EIF3H: variants seen among roughly 807,000 people sequenced by gnomAD.
EIF3H encodes eIF-3-gamma.
In EIF3H, 26 loss-of-function variants were observed where a neutral mutation model predicts 44.2. The observed-to-expected ratio is 0.59, with a 90% confidence interval of 0.43 to 0.82. EIF3H has a LOEUF of 0.82. Ranked by LOEUF, EIF3H falls within the 40% of genes least tolerant of loss-of-function variation. EIF3H has a pLI of 0.00. For synonymous variants in EIF3H, 166 were observed against 151.9 expected (o/e 1.09, Z -0.68); for missense variants, 359 against 432.8 (o/e 0.83, Z 1.51).
At chr8:116,646,992 C>T (rs1395893173) in intron 6 of EIF3H, among the ~76,000 whole-genome samples, 1 of 152,212 alleles carries the variant, frequency 6.6e-6, no homozygotes, top group Non-Finnish European at 1.5e-5. Flanking sequence ...AACTACCACA[C>T]TGGAAATTCT....
intron 1 of EIF3H, among the ~76,000 whole-genome samples, chr8:116,747,029 C>G (rs574664639): frequency 6.6e-6 from 1 of 152,264 alleles, no homozygotes; most frequent in African/African-American, 2.4e-5. Context: ...CTTGACAGAT[C>G]TACTGTCCTG....
chr8:116,642,300 A>G lies in EIF3H; in HGVS notation c.*2706T>C, dbSNP rs1813234740. The stretch of plus-strand genomic sequence containing the variant: ...AAAACTATAGTATGAAGAATGTAAT[A>G]ATATTTTAGAAGACATTAAAACTTA... On this transcript the variant is annotated 3_prime_UTR_variant, in exon 8 of 8. Coordinates refer to ENST00000521861, the MANE Select transcript of EIF3H (RefSeq NM_003756.3). The G allele has an allele frequency of 6.6e-6, 1 of 152,204 alleles. No homozygotes were observed. The highest frequency in any genetic ancestry group is 1.5e-5 in the Non-Finnish European group (1 of 68,024). The allele number at this position is 152,204 out of a possible 1,614,324, so 9.4% of individuals were successfully genotyped here.
At chr8:116,650,018 G>A (rs1256591556) in intron 5 of EIF3H, among the ~76,000 whole-genome samples, 1 of 152,168 alleles carries the variant, frequency 6.6e-6, no homozygotes, top group Non-Finnish European at 1.5e-5. Flanking sequence ...AGGTCAGGCA[G>A]ACCAGACAAG....
At chr8:116,689,461 A>G (rs1055798776) in intron 2 of EIF3H, among the ~76,000 whole-genome samples, 1 of 152,236 alleles carries the variant, frequency 6.6e-6, no homozygotes, top group Non-Finnish European at 1.5e-5. Context: ...ATATTTCAAT[A>G]CAAGTGAGGG....
Position 116,690,756 on chromosome 8 carries a change from A to C in EIF3H, c.290-31776T>G, listed in dbSNP as rs550661128. Among the ~76,000 whole-genome samples the C allele has an allele frequency of 1.4e-3, 213 of 152,342 alleles. 1 individual carries two copies. Among genetic ancestry groups the C allele is most frequent in the Middle Eastern group, 6.8e-3 (2 of 294 alleles). On this transcript the variant is annotated intron_variant, in intron 2 of 7. Transcript: ENST00000521861. ...CTTATAATTCTCAGTATGTAGAAGAAAAAATGCTTACTATAATCACACACA... is the reference window on the plus strand; with the variant it reads ...CTTATAATTCTCAGTATGTAGAAGACAAAATGCTTACTATAATCACACACA...
intron 1 of EIF3H, among the ~76,000 whole-genome samples, chr8:116,745,391 A>C (rs564966488): frequency 6.6e-6 from 1 of 152,238 alleles, no homozygotes; most frequent in African/African-American, 2.4e-5. Context: ...CCTAGAGATC[A>C]TAACTGATTT....
At chr8:116,721,684 T>C (rs1255036302) in intron 2 of EIF3H, among the ~76,000 whole-genome samples, 1 of 152,242 alleles carries the variant, frequency 6.6e-6, no homozygotes, top group East Asian at 1.9e-4. Context: ...CTTCTTGCAT[T>C]AGCTTGACCT....
intron 2 of EIF3H, among the ~76,000 whole-genome samples, chr8:116,676,481 C>T (rs1006359393): frequency 6.6e-6 from 1 of 152,204 alleles, no homozygotes; most frequent in Non-Finnish European, 1.5e-5. Flanking sequence ...ATAAAACCAT[C>T]AGATCTCCTG....
chr8:116,645,148 G>T, intron 7 of EIF3H, 45 bp from the exon 8 acceptor site: 1 of 1,455,946 alleles, frequency 6.9e-7, no homozygotes, highest in South Asian at 1.2e-5. Flanking sequence ...TCCACAAATT[G>T]TAAAATGATC....
chr8:116,646,659 A>T (rs1813307156), intron 6 of EIF3H, 56 bp from the exon 7 acceptor site: 1 of 1,598,772 alleles, frequency 6.3e-7, no homozygotes, highest in Non-Finnish European at 8.6e-7. Flanking sequence ...GGAGGAAAAA[A>T]AGATGTCCTT....
chr8:116,663,981 AAACTAC>A lies in EIF3H; in HGVS notation c.290-5007_290-5002del, dbSNP rs560580902. On this transcript the variant is annotated intron_variant, in intron 2 of 7. Coordinates refer to ENST00000521861, the MANE Select transcript of EIF3H (RefSeq NM_003756.3). ...CTGGTCGTTACTATTAGGCCAACTC[AAACTAC>A]TAATACAAAAAGCCACACTTGGATG... 1.8e-4 allele frequency among the ~76,000 whole-genome samples: 27 copies of A among 151,998 alleles called. No individual in the cohort carries two copies. In the East Asian group the frequency reaches 4.6e-3, roughly 26 times the overall value.
chr8:116,761,396 C>T (rs1209636846), intron 1 of EIF3H, among the ~76,000 whole-genome samples: 1 of 152,116 alleles, frequency 6.6e-6, no homozygotes, highest in Non-Finnish European at 1.5e-5. Flanking sequence ...CCTGTAATCC[C>T]AGCTACTCAG....
chr8:116,679,174 G>A (rs1280488954), intron 2 of EIF3H, among the ~76,000 whole-genome samples: 2 of 75,492 alleles, frequency 2.6e-5, no homozygotes, highest in African/African-American at 4.5e-5. Context: ...GGTGGTGGGG[G>A]TCAGCCCCCC....
chr8:116,703,409 G>C (rs1415198115), intron 2 of EIF3H, among the ~76,000 whole-genome samples: 2 of 152,206 alleles, frequency 1.3e-5, no homozygotes, highest in Non-Finnish European at 2.9e-5. Context: ...ACCACCTCTT[G>C]TGGAAGGCAA....
At chr8:116,697,616 C>T (rs965312192) in intron 2 of EIF3H, among the ~76,000 whole-genome samples, 1 of 152,162 alleles carries the variant, frequency 6.6e-6, no homozygotes, top group Non-Finnish European at 1.5e-5. Context: ...ATGTTTACCC[C>T]CCTTACCAGA....
intron 1 of EIF3H, 111 bp from the exon 2 acceptor site, chr8:116,726,283 A>C (rs1440784970): frequency 8.9e-7 from 1 of 1,117,890 alleles, no homozygotes; most frequent in African/African-American, 1.6e-5. Flanking sequence ...ACCACAAATT[A>C]AATAAGAGGA....
rs574554331 is a variant in EIF3H, at chr8:116,698,386, C to T, written c.289+27630G>A. Among the ~76,000 whole-genome samples, 16 of 152,280 alleles carry T rather than the reference C, an allele frequency of 1.1e-4. No homozygotes were observed. In the South Asian group the frequency reaches 3.3e-3, roughly 32 times the overall value. On this transcript the variant is annotated intron_variant, in intron 2 of 7. Coordinates refer to ENST00000521861, the MANE Select transcript of EIF3H (RefSeq NM_003756.3). Reference sequence around the variant, plus strand: ...CTCATGAATGAAAATTACCCCTCTCCTCAGTAGACACCACATTCTCCTATC... The same window carrying T: ...CTCATGAATGAAAATTACCCCTCTCTTCAGTAGACACCACATTCTCCTATC...
At chr8:116,685,555 T>C (rs930702953) in intron 2 of EIF3H, among the ~76,000 whole-genome samples, 3 of 152,182 alleles carry the variant, frequency 2.0e-5, no homozygotes, top group Non-Finnish European at 4.4e-5. Flanking sequence ...CAAGACAGGA[T>C]GTATGCTGTT....
chr8:116,750,257 AGAGT>A (rs1394952575), intron 1 of EIF3H, among the ~76,000 whole-genome samples: 2 of 152,304 alleles, frequency 1.3e-5, no homozygotes, highest in East Asian at 1.9e-4. Flanking sequence ...TTAAAAAAAC[AGAGT>A]AAGTCGATTA....
Sources: allele counts gnomAD v4.1 joint callset (sites outside exome capture counted in the v4.1 genomes callset), GRCh38; gene constraint gnomAD v4.1.1; transcripts MANE v1.5; gene names NCBI Gene and HGNC (gene_info 2026-07-23, HGNC 2026-07-21).